Variants in SERTAD2 observed in about 807,000 individuals in gnomAD.
The protein encoded by SERTAD2 is SERTA domain containing 2, also known as SERTA domain-containing protein 2.
SERTAD2 carries 2 observed loss-of-function variants against 15.4 expected under a neutral mutation model. That is an observed-to-expected ratio of 0.13 (90% CI 0.05 to 0.41). SERTAD2 has a LOEUF of 0.41. Among genes scored for constraint, SERTAD2 ranks in the 10% least tolerant of loss-of-function variants. The pLI, the probability that SERTAD2 is intolerant of heterozygous loss-of-function variation, is 0.99. For synonymous variants in SERTAD2, 180 were observed against 178.0 expected (o/e 1.01, Z -0.09); for missense variants, 333 against 409.7 (o/e 0.81, Z 1.62).
chr2:64,646,821 C>T (rs1674911494), intron 1 of SERTAD2: 1 of 152,196 alleles, frequency 6.6e-6, no homozygotes, highest in Admixed American at 6.5e-5. Flanking sequence ...AAACACACAA[C>T]AACAAACACA....
intron 1 of SERTAD2, among the ~76,000 whole-genome samples, chr2:64,651,407 T>C (rs1168051603): frequency 2.0e-5 from 3 of 152,222 alleles, no homozygotes; most frequent in Admixed American, 2.0e-4. Flanking sequence ...TTCATACGTT[T>C]TGTAATGTTT....
rs964322703 is a variant in SERTAD2 at position 64,634,894 on chromosome 2, T to C, written c.*1033A>G. ...GCGCAAACTTGGCATAAATACACTC[T>C]TAAGAAAGACAGTAGCTTTACCCTC... On this transcript the variant is annotated 3_prime_UTR_variant, in exon 2 of 2. Transcript: ENST00000313349. 9.2e-5 allele frequency: 14 copies of C among 152,628 alleles called. No homozygotes were observed. Among genetic ancestry groups the C allele is most frequent in the African/African-American group, 3.1e-4 (13 of 41,444 alleles). 9.5% of individuals were successfully genotyped at this position (152,628 alleles called of 1,614,324 possible).
intron 1 of SERTAD2, among the ~76,000 whole-genome samples, chr2:64,645,240 G>A (rs1267342951): frequency 6.6e-6 from 1 of 152,134 alleles, no homozygotes; most frequent in Non-Finnish European, 1.5e-5. Context: ...TGCTGCCGGC[G>A]CCTCCTCCGG....
At chr2:64,640,942 T>C (rs1046274213) in intron 1 of SERTAD2, among the ~76,000 whole-genome samples, 1 of 152,184 alleles carries the variant, frequency 6.6e-6, no homozygotes, top group African/African-American at 2.4e-5. Flanking sequence ...GCTCTTAACA[T>C]GAGGTTTGAG....
chr2:64,649,164 G>A (rs994016104), intron 1 of SERTAD2, among the ~76,000 whole-genome samples: 4 of 152,244 alleles, frequency 2.6e-5, no homozygotes, highest in African/African-American at 9.7e-5. Context: ...ACCTGTTCTG[G>A]TGTAGAGATG....
chr2:64,636,583 T>A lies in SERTAD2; in HGVS notation c.289A>T (p.Ser97Cys). ...TPSSQPTTEPSDSYREAPPAF... is the reference protein window; with the variant it reads ...TPSSQPTTEPCDSYREAPPAF... ...GGCGGGGCCTCTCGGTAGCTGTCGC[T>A]GGGCTCGGTGGTGGGCTGGGAGGAG... The change falls in exon 2 of 2, where the codon AGC becomes TGC. Residue 97 changes from serine to cysteine, a missense_variant. Coordinates refer to ENST00000313349, the MANE Select transcript of SERTAD2 (RefSeq NM_014755.3). 6.3e-7 allele frequency: 1 copy of A among 1,597,634 alleles called. No individual in the cohort carries two copies. Among genetic ancestry groups the A allele is most frequent in the Middle Eastern group, 1.7e-4 (1 of 5,960 alleles).
rs1675008817 is a variant in SERTAD2 at position 64,651,519 on chromosome 2, C to T, written c.-5+2101G>A. ...AGCAGATACCATAAGCTATCAGTCG[C>T]CACACAAATTTGAATGAGTTTTAAA... On this transcript the variant is annotated intron_variant, in intron 1 of 1. Coordinates refer to ENST00000313349, the MANE Select transcript of SERTAD2 (RefSeq NM_014755.3). 2.6e-5 allele frequency among the ~76,000 whole-genome samples: 4 copies of T among 152,266 alleles called. No individual in the cohort carries two copies. The South Asian group carries it at 8.3e-4, about 32-fold the overall frequency.
At chr2:64,637,482 G>C (rs1674685762) in intron 1 of SERTAD2, among the ~76,000 whole-genome samples, 1 of 152,202 alleles carries the variant, frequency 6.6e-6, no homozygotes, top group Non-Finnish European at 1.5e-5. Context: ...CACTGCACCT[G>C]TGTTAAATGA....
At position 64,632,567 on chromosome 2, in the gene SERTAD2, T is replaced by A. The variant is rs1162453915; in HGVS notation, c.*3360A>T. 6.6e-6 allele frequency: 1 copy of A among 152,486 alleles called. No individual in the cohort carries two copies. The highest frequency in any genetic ancestry group is 1.5e-5 in the Non-Finnish European group (1 of 68,012). 9.4% of individuals were successfully genotyped at this position (152,486 alleles called of 1,614,324 possible). ...TGCTCCTTCTGTCATCCAGAGAAAG[T>A]GCTACTAAAAAAACTTTAAAAAATA... On this transcript the variant is annotated 3_prime_UTR_variant, in exon 2 of 2. Transcript: ENST00000313349.
rs1674671559 is a variant in SERTAD2, at chr2:64,636,783, T to C, written c.89A>G (p.Lys30Arg). ...CTGGCGCTGTAAGGTGTAAGACACC[T>C]TGGATGGACCGTCACAGGGAGACAC... ...KIVSPCDGPS[K>R]VSYTLQRQTI... The change falls in exon 2 of 2, where the codon AAG becomes AGG. Residue 30 changes from lysine (K) to arginine (R), a missense_variant. Around this residue, in one of 2 missense-constraint regions of SERTAD2, gnomAD observed 332 missense variants for 392.9 expected, o/e 0.84. Coordinates refer to ENST00000313349, the MANE Select transcript of SERTAD2 (RefSeq NM_014755.3). 1 of 1,614,068 alleles carries C rather than the reference T, an allele frequency of 6.2e-7. No homozygotes were observed. Among genetic ancestry groups the C allele is most frequent in the Admixed American group, 1.7e-5 (1 of 60,008 alleles).
Position 64,636,174 on chromosome 2 carries a change from G to C in SERTAD2, c.698C>G (p.Thr233Arg), listed in dbSNP as rs755073979. 16 of 1,614,172 alleles carry C rather than the reference G, an allele frequency of 9.9e-6. No homozygotes were observed. The highest frequency in any genetic ancestry group is 1.4e-5 in the Non-Finnish European group (16 of 1,180,034). The part of the protein sequence containing the change: ...DSLPGNFEIT[T>R]STGFLTDLTL... The stretch of plus-strand genomic sequence containing the variant: ...CAAGTCTGTCAGGAAACCCGTGGAC[G>C]TCGTTATTTCAAAATTCCCAGGCAG... Residue 233 changes from threonine (T) to arginine (R), a missense_variant, in exon 2 of 2, where the codon ACG becomes AGG. Physicochemically the swap from Thr to Arg is moderately conservative, Grantham distance 71. Coordinates refer to ENST00000313349, the MANE Select transcript of SERTAD2 (RefSeq NM_014755.3).
In SERTAD2 at chr2:64,633,609, A is replaced by C. The variant is rs1251393962; in HGVS notation, c.*2318T>G. ...GGTCCTCCAGTTATAGAAAGCATGG[A>C]ATCTGGGCAGACTTGTTCTCTGCAA... On this transcript the variant is annotated 3_prime_UTR_variant, in exon 2 of 2. Coordinates refer to ENST00000313349, the MANE Select transcript of SERTAD2 (RefSeq NM_014755.3). 3 of 152,220 alleles carry C rather than the reference A, an allele frequency of 2.0e-5. No homozygotes were observed. The highest frequency in any genetic ancestry group is 7.2e-5 in the African/African-American group (3 of 41,438). The allele number at this position is 152,220 out of a possible 1,614,324, so 9.4% of individuals were successfully genotyped here.
At position 64,632,984 on chromosome 2, in the gene SERTAD2, C is replaced by T. The variant is rs147407983; in HGVS notation, c.*2943G>A. On this transcript the variant is annotated 3_prime_UTR_variant, in exon 2 of 2. Coordinates refer to ENST00000313349, the MANE Select transcript of SERTAD2 (RefSeq NM_014755.3). ...TAACTGTCCTCTCCCAGCCCCAGCT[C>T]GGTTTTCTCGTAAAGGCACCTCAAG... 5.4e-3 allele frequency: 819 copies of T among 152,756 alleles called. 5 individuals carry two copies. The highest frequency in any genetic ancestry group is 7.2e-3 in the Non-Finnish European group (491 of 68,042). The allele number at this position is 152,756 out of a possible 1,614,324, so 9.5% of individuals were successfully genotyped here. A position where few individuals can be genotyped will look rare whatever the true frequency, so the allele number is the denominator to read the frequency against.
chr2:64,651,536 A>G (rs1675009104), intron 1 of SERTAD2, among the ~76,000 whole-genome samples: 1 of 152,230 alleles, frequency 6.6e-6, no homozygotes, highest in Non-Finnish European at 1.5e-5. Context: ...AATTTGAATG[A>G]GTTTTAAAAT....
intron 1 of SERTAD2, chr2:64,645,102 T>C (rs891940221): frequency 6.6e-6 from 1 of 150,694 alleles, no homozygotes. Context: ...GTAACATCCA[T>C]GCTAATTGGT....
intron 1 of SERTAD2, among the ~76,000 whole-genome samples, chr2:64,649,192 TTC>T (rs1156474130): frequency 1.3e-5 from 2 of 152,240 alleles, no homozygotes; most frequent in Non-Finnish European, 2.9e-5. Context: ...GACTTTCAGA[TTC>T]TCTGAGTTTA....
intron 1 of SERTAD2, among the ~76,000 whole-genome samples, chr2:64,650,358 C>T (rs566512879): frequency 3.7e-4 from 55 of 149,756 alleles, no homozygotes; most frequent in African/African-American, 1.2e-3. Context: ...TCGTGATCTC[C>T]GAGAAAAAAA....
intron 1 of SERTAD2, among the ~76,000 whole-genome samples, chr2:64,638,354 C>A (rs1328194852): frequency 6.6e-6 from 1 of 152,238 alleles, no homozygotes; most frequent in Non-Finnish European, 1.5e-5. Flanking sequence ...ACACCCTGGC[C>A]TTCAAGAGGC....
At chr2:64,652,336 C>CA (rs1675029875) in intron 1 of SERTAD2, among the ~76,000 whole-genome samples, 1 of 152,114 alleles carries the variant, frequency 6.6e-6, no homozygotes, top group Non-Finnish European at 1.5e-5. Context: ...CAACTACCCC[C>CA]AACCCCCATC....
Sources: allele counts gnomAD v4.1 joint callset (sites outside exome capture counted in the v4.1 genomes callset), GRCh38; gene constraint gnomAD v4.1.1; regional missense constraint gnomAD v4.1.1; transcripts MANE v1.5; gene names NCBI Gene and HGNC (gene_info 2026-07-23, HGNC 2026-07-21).